The following PTPRG variants were observed in gnomAD, a reference collection of about 807,000 sequenced individuals.
PTPRG encodes protein tyrosine phosphatase receptor type G.
In PTPRG, 102 loss-of-function variants were observed where a neutral mutation model predicts 165.3. That is an observed-to-expected ratio of 0.62 (90% confidence interval 0.53 to 0.73). The LOEUF (loss-of-function observed/expected upper bound fraction) is 0.73. Ranked by LOEUF, PTPRG falls within the 30% of genes least tolerant of loss-of-function variation. The pLI, the probability that PTPRG is intolerant of heterozygous loss-of-function variation, is 0.00. For missense variants in PTPRG, 1,866 were observed against 1,861.4 expected, an observed-to-expected ratio of 1.00 and a Z score of -0.05; for synonymous variants, 675 against 669.5, an observed-to-expected ratio of 1.01 and a Z score of -0.13.
chr3:61,957,221 C>A (rs577439063), intron 2 of PTPRG, among the ~76,000 whole-genome samples: 1 of 152,326 alleles, frequency 6.6e-6, no homozygotes, highest in Admixed American at 6.5e-5. Context: ...ATGCCTTTCT[C>A]TTTACTGTGA....
chr3:62,294,606 C>A lies in PTPRG; in HGVS notation c.*1299C>A, dbSNP rs1372203613. 1 of 152,062 alleles carries A rather than the reference C, an allele frequency of 6.6e-6. No individual in the cohort carries two copies. The highest frequency in any genetic ancestry group is 1.9e-4 in the East Asian group (1 of 5,200). 9.4% of individuals were successfully genotyped at this position (152,062 alleles called of 1,614,324 possible). A position where few individuals can be genotyped will look rare whatever the true frequency, so the allele number is the denominator to read the frequency against. On this transcript the variant is annotated 3_prime_UTR_variant, in exon 30 of 30. Coordinates refer to ENST00000474889, the MANE Select transcript of PTPRG (RefSeq NM_002841.4). Reference sequence around the variant, plus strand: ...TCAAGGAAGTTATTAGGTGCAGCCTCTGGAGCCATACTCACGCTGCAGTGC... The same window carrying A: ...TCAAGGAAGTTATTAGGTGCAGCCTATGGAGCCATACTCACGCTGCAGTGC...
chr3:62,113,850 A>G (rs1702759664), intron 5 of PTPRG, among the ~76,000 whole-genome samples: 1 of 152,360 alleles, frequency 6.6e-6, no homozygotes, highest in Middle Eastern at 3.4e-3. Flanking sequence ...CATAGTTGAC[A>G]CTAAATGGCG....
In PTPRG at chr3:61,854,550, A is replaced by G. The variant is rs536471485; in HGVS notation, c.190+105568A>G. Reference sequence around the variant, plus strand: ...CATACATATTCATGGACATATGAATACATGCTTTTTAAAACGTGCACTATT... The same window carrying G: ...CATACATATTCATGGACATATGAATGCATGCTTTTTAAAACGTGCACTATT... On this transcript the variant is annotated intron_variant, in intron 2 of 29. Coordinates refer to ENST00000474889, the MANE Select transcript of PTPRG (RefSeq NM_002841.4). 8.5e-5 allele frequency among the ~76,000 whole-genome samples: 13 copies of G among 152,336 alleles called. No individual in the cohort carries two copies. In the East Asian group the frequency reaches 1.4e-3, roughly 16 times the overall value.
chr3:61,638,214 A>G (rs1431259572), intron 1 of PTPRG, among the ~76,000 whole-genome samples: 1 of 151,636 alleles, frequency 6.6e-6, no homozygotes, highest in African/African-American at 2.4e-5. Flanking sequence ...AATGACACTG[A>G]TTTTTTTCTT....
chr3:61,866,114 TGTGA>T (rs2037400230), intron 2 of PTPRG, among the ~76,000 whole-genome samples: 1 of 152,000 alleles, frequency 6.6e-6, no homozygotes, highest in Non-Finnish European at 1.5e-5. Context: ...CCTGCTCATA[TGTGA>T]TATGGATAAG....
chr3:61,727,301 T>C (rs920258234), intron 1 of PTPRG, among the ~76,000 whole-genome samples: 1 of 151,882 alleles, frequency 6.6e-6, no homozygotes, highest in Non-Finnish European at 1.5e-5. Context: ...TTATAGATGC[T>C]TGCCACCACA....
chr3:61,989,760 A>G lies in PTPRG; in HGVS notation c.326A>G (p.Asn109Ser), dbSNP rs746640868. ...GAACTGCAACTCGATGGCTTCGACAATGAGTCTTCTAACAAAACCTGGATG... is the reference window on the plus strand; with the variant it reads ...GAACTGCAACTCGATGGCTTCGACAGTGAGTCTTCTAACAAAACCTGGATG... ...YQELQLDGFD[N>S]ESSNKTWMKN... is the part of the protein sequence containing the mutation. The change falls in exon 3 of 30, where the codon AAT becomes AGT. Residue 109 changes from asparagine to serine, a missense_variant. By Grantham distance (46) the Asn-to-Ser change is conservative. Transcript: ENST00000474889. 99 of 1,614,042 alleles carry G rather than the reference A, an allele frequency of 6.1e-5. 1 individual carries two copies. Among genetic ancestry groups the G allele is most frequent in the South Asian group, 3.2e-4 (29 of 91,086 alleles).
intron 2 of PTPRG, among the ~76,000 whole-genome samples, chr3:61,955,993 A>G (rs1025781476): frequency 2.0e-5 from 3 of 152,160 alleles, no homozygotes; most frequent in African/African-American, 7.2e-5. Context: ...TTTCAGAGAT[A>G]GAATTGCCAA....
chr3:62,167,408 A>G (rs1705032561), intron 7 of PTPRG, among the ~76,000 whole-genome samples: 1 of 152,214 alleles, frequency 6.6e-6, no homozygotes, highest in African/African-American at 2.4e-5. Context: ...ATATACTAGG[A>G]ACTGTTTTAA....
intron 5 of PTPRG, among the ~76,000 whole-genome samples, chr3:62,126,413 G>A (rs149928696): frequency 2.6e-5 from 4 of 152,280 alleles, no homozygotes; most frequent in East Asian, 3.9e-4. Flanking sequence ...AGCCATGTCC[G>A]TGCTCAAGCT....
At chr3:61,576,804 GA>G (rs201358047) in intron 1 of PTPRG, among the ~76,000 whole-genome samples, 2 of 151,194 alleles carry the variant, frequency 1.3e-5, no homozygotes, top group African/African-American at 2.4e-5. Flanking sequence ...TGTTTATTCA[GA>G]AAAAAAAATC....
At chr3:61,647,055 G>T (rs868598336) in intron 1 of PTPRG, among the ~76,000 whole-genome samples, 1 of 152,178 alleles carries the variant, frequency 6.6e-6, no homozygotes, top group South Asian at 2.1e-4. Context: ...TACAAATAAA[G>T]CTGCTTATGA....
intron 14 of PTPRG, among the ~76,000 whole-genome samples, chr3:62,235,790 G>C (rs1701018668): frequency 6.6e-6 from 1 of 152,114 alleles, no homozygotes; most frequent in Non-Finnish European, 1.5e-5. Flanking sequence ...TTTAGTATCT[G>C]TTTCCTCTTT....
chr3:61,934,086 C>T (rs1334020122), intron 2 of PTPRG, among the ~76,000 whole-genome samples: 2 of 152,184 alleles, frequency 1.3e-5, no homozygotes, highest in Non-Finnish European at 2.9e-5. Flanking sequence ...TTAGCTTGTT[C>T]TACAGGGTGT....
chr3:61,762,780 T>C (rs937392774), intron 2 of PTPRG, among the ~76,000 whole-genome samples: 1 of 152,046 alleles, frequency 6.6e-6, no homozygotes, highest in African/African-American at 2.4e-5. Context: ...GTAAGGGCAG[T>C]TTATCGCCTT....
intron 1 of PTPRG, among the ~76,000 whole-genome samples, chr3:61,683,278 G>C (rs761206036): frequency 6.6e-6 from 1 of 152,248 alleles, no homozygotes; most frequent in African/African-American, 2.4e-5. Context: ...CTCTGGGTAA[G>C]GCCAGCAGAG....
At chr3:61,717,972 G>A (rs1213026077) in intron 1 of PTPRG, among the ~76,000 whole-genome samples, 1 of 151,844 alleles carries the variant, frequency 6.6e-6, no homozygotes, top group Non-Finnish European at 1.5e-5. Flanking sequence ...TTGAGGTCAG[G>A]AGATTGAGAC....
At chr3:61,935,397 A>G (rs981165693) in intron 2 of PTPRG, among the ~76,000 whole-genome samples, 1 of 152,156 alleles carries the variant, frequency 6.6e-6, no homozygotes, top group Non-Finnish European at 1.5e-5. Context: ...GGCACAGAAC[A>G]TGGCAAAATT....
At chr3:62,274,101 C>T (rs1702158277) in intron 23 of PTPRG, among the ~76,000 whole-genome samples, 1 of 152,124 alleles carries the variant, frequency 6.6e-6, no homozygotes, top group African/African-American at 2.4e-5. Flanking sequence ...ACATCAGCCC[C>T]TGGCCATAAT....
Sources: allele counts gnomAD v4.1 joint callset (sites outside exome capture counted in the v4.1 genomes callset), GRCh38; gene constraint gnomAD v4.1.1; transcripts MANE v1.5; gene names NCBI Gene and HGNC (gene_info 2026-07-23, HGNC 2026-07-21).